The following WASF3 variants were observed in gnomAD, a reference collection of about 807,000 sequenced individuals.
WASF3 encodes the protein WASP family member 3, also known as actin-binding protein WASF3.
Under a neutral mutation model 46.6 loss-of-function variants are expected in WASF3, and 11 were observed. The observed-to-expected ratio is 0.24, with a 90% CI of 0.15 to 0.39. The LOEUF is 0.39. Ranked by LOEUF, WASF3 falls within the 10% of genes least tolerant of loss-of-function variation. The pLI, the probability that WASF3 is intolerant of heterozygous loss-of-function variation, is 1.00. For synonymous variants in WASF3, 242 were observed against 259.7 expected (o/e 0.93, Z 0.65); for missense variants, 576 against 669.8 (o/e 0.86, Z 1.55).
chr13:26,618,460 C>T (rs981268193), intron 2 of WASF3, among the ~76,000 whole-genome samples: 4 of 151,906 alleles, frequency 2.6e-5, no homozygotes, highest in African/African-American at 7.3e-5. Context: ...CACACTCTCT[C>T]GCTCTCTCTC....
intron 1 of WASF3, chr13:26,576,905 A>G: frequency 1.3e-6 from 1 of 775,204 alleles, no homozygotes; most frequent in Non-Finnish European, 2.2e-6. Context: ...GGCAAGAACA[A>G]ACGCCTTACG....
At chr13:26,617,862 G>C (rs1444808043) in intron 2 of WASF3, among the ~76,000 whole-genome samples, 2 of 152,046 alleles carry the variant, frequency 1.3e-5, no homozygotes, top group African/African-American at 4.8e-5. Context: ...TTGTGATAGT[G>C]AATTCTCATG....
chr13:26,558,383 G>A (rs1195594886), intron 1 of WASF3, among the ~76,000 whole-genome samples: 1 of 152,148 alleles, frequency 6.6e-6, no homozygotes, highest in Non-Finnish European at 1.5e-5. Context: ...TCGAGGCTGC[G>A]GTGCCGCGTG....
chr13:26,666,816 A>G (rs1489267702), intron 4 of WASF3, among the ~76,000 whole-genome samples: 3 of 146,472 alleles, frequency 2.0e-5, no homozygotes, highest in African/African-American at 7.6e-5. Flanking sequence ...GGAGAATGGC[A>G]CGAACCCGGG....
At chr13:26,615,182 A>G (rs1881093194) in intron 2 of WASF3, among the ~76,000 whole-genome samples, 2 of 152,226 alleles carry the variant, frequency 1.3e-5, no homozygotes, top group African/African-American at 4.8e-5. Context: ...GTGTGTGGCT[A>G]ACAGTCGACT....
intron 1 of WASF3, among the ~76,000 whole-genome samples, chr13:26,584,721 G>A (rs999811892): frequency 6.6e-6 from 1 of 152,188 alleles, no homozygotes. Flanking sequence ...ATGCAGCAAA[G>A]AAAGGATGTG....
chr13:26,597,133 A>G (rs1880491678), intron 1 of WASF3, among the ~76,000 whole-genome samples: 2 of 151,904 alleles, frequency 1.3e-5, no homozygotes, highest in Non-Finnish European at 2.9e-5. Flanking sequence ...CATTATTTCT[A>G]TTTATTATTA....
the WASF3 span, among the ~76,000 whole-genome samples, chr13:26,550,021 C>A: frequency 6.6e-6 from 1 of 152,124 alleles, no homozygotes; most frequent in Non-Finnish European, 1.5e-5. Flanking sequence ...TTGTACATTT[C>A]TTTTAGGAGC....
chr13:26,553,438 A>C (rs1317947894), upstream of WASF3, among the ~76,000 whole-genome samples: 1 of 151,918 alleles, frequency 6.6e-6, no homozygotes, highest in African/African-American at 2.4e-5. Flanking sequence ...AATGATCCAG[A>C]CATTTTTATT....
intron 1 of WASF3, among the ~76,000 whole-genome samples, chr13:26,604,473 CACTTATAA>C (rs975400262): frequency 3.1e-4 from 47 of 152,174 alleles, no homozygotes; most frequent in African/African-American, 1.1e-3. Context: ...CCTGAGATTT[CACTTATAA>C]ACTTATAAAT....
chr13:26,681,350 C>T, intron 8 of WASF3, 30 bp downstream of exon 8: 1 of 1,519,834 alleles, frequency 6.6e-7, no homozygotes, highest in Non-Finnish European at 8.8e-7. Flanking sequence ...ACCCTAATCC[C>T]TCCTGGCCTT....
intron 1 of WASF3, among the ~76,000 whole-genome samples, chr13:26,568,568 C>A (rs1159595552): frequency 6.6e-6 from 1 of 152,118 alleles, no homozygotes; most frequent in Non-Finnish European, 1.5e-5. Context: ...ATTTTCCCCA[C>A]CTGTTAACCA....
chr13:26,605,668 G>A lies in WASF3; in HGVS notation c.-108-7293G>A, dbSNP rs145848970. The stretch of plus-strand genomic sequence containing the variant: ...TAGGATCCACAGGTGGCTGCCCGGG[G>A]CCAGACCTGTCTACTGTGAACATTA... On this transcript the variant is annotated intron_variant, in intron 1 of 9. Coordinates refer to ENST00000335327, the MANE Select transcript of WASF3 (RefSeq NM_006646.6). Among the ~76,000 whole-genome samples, 143 of 152,308 alleles carry A rather than the reference G, an allele frequency of 9.4e-4. 1 individual carries two copies. The highest frequency in any genetic ancestry group is 3.3e-3 in the African/African-American group (139 of 41,558).
Position 26,664,937 on chromosome 13 carries a change from T to TGTTG in WASF3, c.134-90_134-87dup, listed in dbSNP as rs1312340796. On this transcript the variant is annotated intron_variant, in intron 3 of 9. Transcript: ENST00000335327. ...ATACTCGTTTGCACAAAATCCCACA[T>TGTTG]GTTGACAGGAATAAGCACTGGTGAG... The TGTTG allele has an allele frequency of 6.5e-5, 88 of 1,346,776 alleles. No individual in the cohort carries two copies. The East Asian group carries it at 2.0e-3, about 31-fold the overall frequency. 83.4% of individuals were successfully genotyped at this position (1,346,776 alleles called of 1,614,324 possible). A position where few individuals can be genotyped will look rare whatever the true frequency, so the allele number is the denominator to read the frequency against.
At chr13:26,635,566 G>A (rs1337286998) in intron 2 of WASF3, among the ~76,000 whole-genome samples, 4 of 152,194 alleles carry the variant, frequency 2.6e-5, no homozygotes, top group East Asian at 3.9e-4. Context: ...AGGAGAAAAC[G>A]TGCTCTGGTT....
At chr13:26,621,863 C>T (rs772394865) in intron 2 of WASF3, among the ~76,000 whole-genome samples, 41 of 152,158 alleles carry the variant, frequency 2.7e-4, no homozygotes, top group Admixed American at 2.2e-3. Flanking sequence ...AGGCACTTAA[C>T]TCCAAGCAGA....
intron 1 of WASF3, among the ~76,000 whole-genome samples, chr13:26,594,503 C>T (rs990622744): frequency 6.6e-6 from 1 of 152,280 alleles, no homozygotes; most frequent in Middle Eastern, 3.4e-3. Flanking sequence ...TTGACTCTTG[C>T]GCTCCTGGCT....
At chr13:26,653,122 G>C (rs372791823) in intron 3 of WASF3, among the ~76,000 whole-genome samples, 1 of 152,082 alleles carries the variant, frequency 6.6e-6, no homozygotes, top group East Asian at 1.9e-4. Flanking sequence ...CTGCATCCAC[G>C]TGTCCTGTTC....
intron 3 of WASF3, among the ~76,000 whole-genome samples, chr13:26,645,867 A>G (rs1393979562): frequency 6.6e-6 from 1 of 152,112 alleles, no homozygotes; most frequent in Non-Finnish European, 1.5e-5. Context: ...GCTTTTAAAG[A>G]GTTTGGAAGT....
Sources: gnomAD v4.1 joint callset for allele counts (sites outside exome capture counted in the v4.1 genomes callset) on GRCh38, gnomAD v4.1.1 for gene constraint, MANE v1.5 for transcripts, NCBI Gene and HGNC (gene_info 2026-07-23, HGNC 2026-07-21) for gene names.